The following DCTN1 variants were observed in gnomAD, a reference collection of about 807,000 sequenced individuals.
DCTN1 encodes the protein 150 kDa dynein-associated polypeptide.
Under a neutral mutation model 161.2 loss-of-function variants are expected in DCTN1, and 61 were observed. The ratio of observed to expected loss-of-function variants is 0.38; its 90% confidence interval spans 0.31 to 0.47. The LOEUF is 0.47. DCTN1 is among the 20% of genes least tolerant of loss of function. DCTN1 has a pLI of 0.99. For missense variants in DCTN1, 1,404 were observed against 1,623.7 expected, an observed-to-expected ratio of 0.86 and a Z score of 2.33; for synonymous variants, 653 against 632.4, an observed-to-expected ratio of 1.03 and a Z score of -0.49.
In DCTN1 at chr2:74,366,335, C is replaced by T. The variant is rs774253609; in HGVS notation, c.2669G>A (p.Arg890His). The T allele has an allele frequency of 2.5e-6, 4 of 1,614,194 alleles. No individual in the cohort carries two copies. The highest frequency in any genetic ancestry group is 1.7e-5 in the Admixed American group (1 of 60,032). The change falls in exon 23 of 32, where the codon CGC becomes CAC. Residue 890 changes from arginine (R) to histidine (H), a missense_variant. By Grantham distance (29) the Arg-to-His change is conservative. Transcript: ENST00000628224. ...ACTGATGAGGATGTTGCATGACTGGCGCAGACACTCATAGGGGCTGCTGGA... is the reference window on the plus strand; with the variant it reads ...ACTGATGAGGATGTTGCATGACTGGTGCAGACACTCATAGGGGCTGCTGGA... Reference protein sequence around the residue: ...TPSSSPYECLRQSCNILISTM... With the variant: ...TPSSSPYECLHQSCNILISTM...
chr2:74,369,030 T>C lies in DCTN1; in HGVS notation c.1701+68A>G. 6.4e-7 allele frequency: 1 copy of C among 1,569,796 alleles called. No homozygotes were observed. Among genetic ancestry groups the C allele is most frequent in the Non-Finnish European group, 8.7e-7 (1 of 1,149,862 alleles). On this transcript the variant is annotated intron_variant, in intron 15 of 31. Coordinates refer to ENST00000628224, the MANE Select transcript of DCTN1 (RefSeq NM_004082.5). This position sits in a 1 kb window ranked among gnomAD's most constrained non-coding sequence, Gnocchi z 4.9. ...CACAAAGCACCCCTTCCCCCAGGAA[T>C]CTGAAGCCCAGACCCCATACCAGTT...
chr2:74,365,323 T>C (rs1558935173), intron 25 of DCTN1, 82 bp from the exon 26 acceptor site: 4 of 1,584,212 alleles, frequency 2.5e-6, no homozygotes, highest in Non-Finnish European at 3.4e-6. Context: ...GTCCTTGGAA[T>C]AGCCCTGCCA....
Position 74,370,548 on chromosome 2 carries a change from G to C in DCTN1, c.1049-4C>G, listed in dbSNP as rs1423820082. The C allele has an allele frequency of 1.2e-6, 2 of 1,613,974 alleles. No homozygotes were observed. The highest frequency in any genetic ancestry group is 2.7e-5 in the African/African-American group (2 of 74,926). ...CTGGATGCAGCGCCATCTGAGCCTG[G>C]AGAAGATCATTAACACTTTCAGGCA... On this transcript the variant is annotated splice_region_variant and splice_polypyrimidine_tract_variant and intron_variant, in intron 10 of 31. Coordinates refer to ENST00000628224, the MANE Select transcript of DCTN1 (RefSeq NM_004082.5). This position sits in a 1 kb window ranked among gnomAD's most constrained non-coding sequence, Gnocchi z 4.4.
chr2:74,375,894 C>A (rs1337551539), intron 5 of DCTN1, among the ~76,000 whole-genome samples: 1 of 152,216 alleles, frequency 6.6e-6, no homozygotes, highest in African/African-American at 2.4e-5. Context: ...TCCAGCAGCT[C>A]TCCATGCAAT....
At chr2:74,374,100 GC>G in intron 6 of DCTN1, 1 of 606,310 alleles carries the variant, frequency 1.6e-6, no homozygotes, top group Non-Finnish European at 3.1e-6. Flanking sequence ...GGGTGTTAAG[GC>G]CTGGAACACA....
At chr2:74,371,935 C>T in intron 7 of DCTN1, 1 of 576,242 alleles carries the variant, frequency 1.7e-6, no homozygotes, top group East Asian at 2.9e-5. Flanking sequence ...TGACAAAGGA[C>T]AGGGGGAGGA....
chr2:74,369,567 A>C lies in DCTN1; in HGVS notation c.1393-76T>G. On this transcript the variant is annotated intron_variant, in intron 13 of 31. Coordinates refer to ENST00000628224, the MANE Select transcript of DCTN1 (RefSeq NM_004082.5). This position sits in a 1 kb window ranked among gnomAD's most constrained non-coding sequence, Gnocchi z 4.9. ...GGCGGTGGTTCACACCTGTAATCCC[A>C]GCACTTTGGGAGGTCAAAGCAGGCG... 4 of 1,491,638 alleles carry C rather than the reference A, an allele frequency of 2.7e-6. No individual in the cohort carries two copies. In the Admixed American group the frequency reaches 6.7e-5, roughly 25 times the overall value. 92.4% of individuals were successfully genotyped at this position (1,491,638 alleles called of 1,614,324 possible).
chr2:74,379,370 G>A (rs980166155), intron 1 of DCTN1, among the ~76,000 whole-genome samples: 6 of 152,168 alleles, frequency 3.9e-5, no homozygotes, highest in Non-Finnish European at 7.4e-5. Flanking sequence ...CAGAGCCAGG[G>A]AAGAGCCAGG....
intron 1 of DCTN1, among the ~76,000 whole-genome samples, chr2:74,390,037 G>A (rs1237352565): frequency 1.3e-5 from 2 of 152,044 alleles, no homozygotes; most frequent in Non-Finnish European, 2.9e-5. Flanking sequence ...AAACAATCCT[G>A]GATTCAACAG....
chr2:74,390,129 A>T (rs1337243926), intron 1 of DCTN1, among the ~76,000 whole-genome samples: 2 of 152,224 alleles, frequency 1.3e-5, no homozygotes, highest in Non-Finnish European at 2.9e-5. Flanking sequence ...TTCAAAGTCC[A>T]GCCAAAGCCC....
chr2:74,386,007 C>A (rs1439244238), intron 1 of DCTN1, among the ~76,000 whole-genome samples: 3 of 152,182 alleles, frequency 2.0e-5, no homozygotes, highest in African/African-American at 7.2e-5. Flanking sequence ...ACAATCTCAG[C>A]CCACAATACC....
chr2:74,370,485 G>A lies in DCTN1; in HGVS notation c.1108C>T (p.Leu370=). Residue 370 remains leucine (L), a synonymous_variant, in exon 11 of 32, where the codon CTG becomes TTG. Coordinates refer to ENST00000628224, the MANE Select transcript of DCTN1 (RefSeq NM_004082.5). This position sits in a 1 kb window ranked among gnomAD's most constrained non-coding sequence, Gnocchi z 4.4. ...CCCTACCTCACCAGGGCATCCTTCA[G>A]GCGGGCATTCTGCTCCTCAAGCTGC... ...LKQLEEQNAR[L]KDALVRMRDL... 1.9e-6 allele frequency: 3 copies of A among 1,614,226 alleles called. No homozygotes were observed. Among genetic ancestry groups the A allele is most frequent in the Non-Finnish European group, 2.5e-6 (3 of 1,180,044 alleles).
chr2:74,367,012 G>A (rs1053260360), intron 20 of DCTN1, 33 bp downstream of exon 20: 2 of 1,614,178 alleles, frequency 1.2e-6, no homozygotes, highest in Non-Finnish European at 8.5e-7. Flanking sequence ...TAAGAAAGAA[G>A]AGGAGCTCAC....
intron 30 of DCTN1, 24 bp from the exon 31 acceptor site, chr2:74,362,165 A>G: frequency 6.2e-7 from 1 of 1,609,808 alleles, no homozygotes; most frequent in Non-Finnish European, 8.5e-7. Flanking sequence ...GAGGAAGACA[A>G]GGGTTCATTT....
rs1488167034 is a variant in DCTN1 at position 74,377,959 on chromosome 2, ATGTGCACACAT to A, written c.279+30_279+40del. 1.9e-6 allele frequency: 3 copies of A among 1,611,422 alleles called. No homozygotes were observed. The East Asian group carries it at 6.7e-5, about 36-fold the overall frequency. ...CACATCAGCTGCACATGCGACAGAC[ATGTGCACACAT>A]GCACAGACACAAAAGAAGGGCGTGA... On this transcript the variant is annotated intron_variant, in intron 2 of 31. Transcript: ENST00000628224.
chr2:74,367,283 G>T, intron 19 of DCTN1, 69 bp downstream of exon 19: 1 of 1,590,096 alleles, frequency 6.3e-7, no homozygotes, highest in South Asian at 1.1e-5. Context: ...TTGGGTGCCT[G>T]ATCTCTTGAC....
rs2103652794 is a variant in DCTN1, at chr2:74,369,991, C to T, written c.1366G>A (p.Glu456Lys). The T allele has an allele frequency of 1.9e-6, 3 of 1,614,184 alleles. No homozygotes were observed. Among genetic ancestry groups the T allele is most frequent in the Non-Finnish European group, 2.5e-6 (3 of 1,180,044 alleles). ...RNLNLEEKVR[E>K]LRETVGDLEA... ...AAGTCTCCCACAGTCTCCCTCAACTCGCGCACTTTCTCTTCCAGATTCAGG... is the reference window on the plus strand; with the variant it reads ...AAGTCTCCCACAGTCTCCCTCAACTTGCGCACTTTCTCTTCCAGATTCAGG... Residue 456 changes from glutamate to lysine, a missense_variant, in exon 13 of 32, where the codon GAG becomes AAG. Around this residue, in one of 9 missense-constraint regions of DCTN1, gnomAD observed 278 missense variants for 363.8 expected, o/e 0.76. Transcript: ENST00000628224. The surrounding 1 kb of genome is among the most constrained non-coding windows in gnomAD (Gnocchi z 4.9).
At chr2:74,377,607 T>C in intron 3 of DCTN1, 41 bp downstream of exon 3, 1 of 1,581,180 alleles carries the variant, frequency 6.3e-7, no homozygotes, top group Non-Finnish European at 8.7e-7. Context: ...TGGGGACTCC[T>C]CCTGGCTATG....
Position 74,363,141 on chromosome 2 carries a change from G to T in DCTN1, c.3382C>A (p.Pro1128Thr), listed in dbSNP as rs757510484. The change falls in exon 29 of 32, where the codon CCT becomes ACT. Residue 1128 changes from proline to threonine, a missense_variant. Pro to Thr is a conservative substitution (Grantham distance 38). Coordinates refer to ENST00000628224, the MANE Select transcript of DCTN1 (RefSeq NM_004082.5). ...TGGGATAGCTTTGCAACATGCAGAG[G>T]GGGCAGGGATGCCAAGGATGCCTTC... is the stretch of plus-strand genomic sequence containing the variant. ...QMKASLASLP[P>T]LHVAKLSHEG... The T allele has an allele frequency of 1.2e-6, 2 of 1,614,158 alleles. No homozygotes were observed. Among genetic ancestry groups the T allele is most frequent in the Admixed American group, 1.7e-5 (1 of 60,024 alleles).
Sources: gnomAD v4.1 joint callset for allele counts (sites outside exome capture counted in the v4.1 genomes callset) on GRCh38, gnomAD v4.1.1 for gene constraint, gnomAD v4.1.1 regional missense constraint, Gnocchi (gnomAD v3.1) non-coding constraint, MANE v1.5 for transcripts, NCBI Gene and HGNC (gene_info 2026-07-23, HGNC 2026-07-21) for gene names.